Variants in MRPS30 observed in about 807,000 individuals in gnomAD.
MRPS30 encodes mitochondrial ribosomal protein S30.
Under a neutral mutation model 43.8 loss-of-function variants are expected in MRPS30, and 42 were observed. The observed-to-expected ratio is 0.96, with a 90% CI of 0.75 to 1.24. The LOEUF is 1.24. Ranked by LOEUF, MRPS30 falls within the 50% of genes most tolerant of loss-of-function variation. MRPS30 has a pLI of 0.00. For synonymous variants in MRPS30, 273 were observed against 228.2 expected, an observed-to-expected ratio of 1.20 and a Z score of -1.77; for missense variants, 638 against 570.0, an observed-to-expected ratio of 1.12 and a Z score of -1.22.
intron 3 of MRPS30, 109 bp from the exon 4 acceptor site, chr5:44,812,997 T>A: frequency 2.2e-6 from 2 of 916,040 alleles, no homozygotes; most frequent in Non-Finnish European, 1.7e-6. Flanking sequence ...TTTAGAGTAC[T>A]GAGAATATGA....
At chr5:44,811,694 C>T (rs143777700) in intron 2 of MRPS30, among the ~76,000 whole-genome samples, 3 of 152,286 alleles carry the variant, frequency 2.0e-5, no homozygotes, top group East Asian at 1.9e-4. Flanking sequence ...CAGTGCAAAG[C>T]GCCATACACA....
intron 3 of MRPS30, among the ~76,000 whole-genome samples, chr5:44,812,307 A>G (rs916872759): frequency 6.6e-6 from 1 of 152,200 alleles, no homozygotes; most frequent in Non-Finnish European, 1.5e-5. Context: ...TGTTTTTTTA[A>G]AAGTAAAAAC....
At position 44,809,038 on chromosome 5, in the gene MRPS30, G is replaced by T; in HGVS notation, c.76G>T (p.Ala26Ser). 6 of 1,610,068 alleles carry T rather than the reference G, an allele frequency of 3.7e-6. No individual in the cohort carries two copies. Among genetic ancestry groups the T allele is most frequent in the Non-Finnish European group, 5.1e-6 (6 of 1,178,848 alleles). ...ATTGCACACCGCGGCTAATGCCGCC[G>T]CCACGGCTACAGAAACGACCTGCCA... The part of the protein sequence containing the change: ...LSLHTAANAA[A>S]TATETTCQDV... The change falls in exon 1 of 5, where the codon GCC becomes TCC. Residue 26 changes from alanine to serine, a missense_variant. Ala to Ser is a moderately conservative substitution (Grantham distance 99). Transcript: ENST00000507110.
chr5:44,812,036 G>T lies in MRPS30; in HGVS notation c.853+16G>T. ...ATATTTGTTGGTAAGTTTCTCTTTT[G>T]ACATATTGTACCATAAATGTGTTCC... is the stretch of plus-strand genomic sequence containing the variant. On this transcript the variant is annotated intron_variant, in intron 3 of 4. Coordinates refer to ENST00000507110, the MANE Select transcript of MRPS30 (RefSeq NM_016640.4). 6.6e-7 allele frequency: 1 copy of T among 1,525,456 alleles called. No individual in the cohort carries two copies. The highest frequency in any genetic ancestry group is 1.2e-5 in the South Asian group (1 of 84,822). The allele number at this position is 1,525,456 out of a possible 1,614,324, so 94.5% of individuals were successfully genotyped here.
rs111467139 is a variant in MRPS30 at position 44,815,442 on chromosome 5, T to G, written c.*240T>G. On this transcript the variant is annotated 3_prime_UTR_variant, in exon 5 of 5. Transcript: ENST00000507110. ...TATATTGCTAACTGATAAGACAAAT[T>G]GAGTTATTGAGCTATTAAATGCACA... 1,102 of 354,016 alleles carry G rather than the reference T, an allele frequency of 3.1e-3. 3 individuals carry two copies. Among genetic ancestry groups the G allele is most frequent in the African/African-American group, 0.022 (1,027 of 47,696 alleles). 21.9% of individuals were successfully genotyped at this position (354,016 alleles called of 1,614,324 possible).
In MRPS30 at chr5:44,813,205, A is replaced by G; in HGVS notation, c.953A>G (p.Asp318Gly). 9 of 1,613,190 alleles carry G rather than the reference A, an allele frequency of 5.6e-6. No homozygotes were observed. Among genetic ancestry groups the G allele is most frequent in the Non-Finnish European group, 7.6e-6 (9 of 1,179,628 alleles). Residue 318 changes from aspartate (D) to glycine (G), a missense_variant, in exon 4 of 5, where the codon GAT (aspartate) becomes GGT (glycine). Coordinates refer to ENST00000507110, the MANE Select transcript of MRPS30 (RefSeq NM_016640.4). ...RERLLRQNCA[D>G]QIEVVFRANA... ...AGGCTTTTGAGACAAAACTGTGCTG[A>G]TCAGATAGAAGTTGTTTTTAGAGCT... is the stretch of plus-strand genomic sequence containing the variant.
Position 44,815,101 on chromosome 5 carries a change from G to A in MRPS30, c.1219G>A (p.Asp407Asn). ...TAAGCCTCTTTATGAAACAATTGAG[G>A]ATAATGATGTGAAAGGTTTTAATGA... The part of the protein sequence containing the change: ...QSKPLYETIE[D>N]NDVKGFNDDV... The change falls in exon 5 of 5, where the codon GAT becomes AAT. Residue 407 changes from aspartate (D) to asparagine (N), a missense_variant. Coordinates refer to ENST00000507110, the MANE Select transcript of MRPS30 (RefSeq NM_016640.4). The A allele has an allele frequency of 6.2e-7, 1 of 1,612,428 alleles. No individual in the cohort carries two copies. The highest frequency in any genetic ancestry group is 8.5e-7 in the Non-Finnish European group (1 of 1,178,642).
In MRPS30 at chr5:44,809,310, G is replaced by C; in HGVS notation, c.348G>C (p.Ser116=). ...YQYFTKTVFL[S]GLPPPPAEPE... ...ACTTCACCAAGACCGTGTTCCTGTC[G>C]GGTCTGCCGCCGCCCCCAGCGGAGC... is the stretch of plus-strand genomic sequence containing the variant. Residue 116 remains serine, a synonymous_variant, in exon 1 of 5, where the codon TCG becomes TCC. Transcript: ENST00000507110. 3 of 1,612,646 alleles carry C rather than the reference G, an allele frequency of 1.9e-6. No individual in the cohort carries two copies. The highest frequency in any genetic ancestry group is 2.2e-5 in the East Asian group (1 of 44,812).
At chr5:44,811,725 C>T (rs1001033011) in intron 2 of MRPS30, among the ~76,000 whole-genome samples, 190 bp from the exon 3 acceptor site, 3 of 152,166 alleles carry the variant, frequency 2.0e-5, no homozygotes, top group Non-Finnish European at 2.9e-5. Context: ...GAATATGTGT[C>T]GGCTGTGTTC....
chr5:44,813,197 C>T lies in MRPS30; in HGVS notation c.945C>T (p.Asn315=). The T allele has an allele frequency of 6.2e-7, 1 of 1,613,420 alleles. No homozygotes were observed. The highest frequency in any genetic ancestry group is 1.1e-5 in the South Asian group (1 of 90,970). ...GAAGGGAAAGGCTTTTGAGACAAAA[C>T]TGTGCTGATCAGATAGAAGTTGTTT... is the stretch of plus-strand genomic sequence containing the variant. ...KLRRERLLRQ[N]CADQIEVVFR... is the part of the protein sequence containing the mutation. The change falls in exon 4 of 5, where the codon AAC becomes AAT. Residue 315 remains asparagine (N), a synonymous_variant. Coordinates refer to ENST00000507110, the MANE Select transcript of MRPS30 (RefSeq NM_016640.4).
intron 2 of MRPS30, among the ~76,000 whole-genome samples, chr5:44,811,416 C>T (rs892307472): frequency 1.3e-5 from 2 of 152,136 alleles, no homozygotes; most frequent in African/African-American, 4.8e-5. Flanking sequence ...ATATGTTTCT[C>T]TTAATATAAA....
chr5:44,811,021 C>T lies in MRPS30; in HGVS notation c.614C>T (p.Pro205Leu). ...LAAAALDYRC[P>L]VHFYWVRGEE... ...ATCTTTTTGATAGATTATAGATGCC[C>T]AGTTCATTTTTACTGGGTGCGTGGT... The change falls in exon 2 of 5, where the codon CCA (proline) becomes CTA (leucine). Residue 205 changes from proline (P) to leucine (L), a missense_variant. Pro to Leu is a moderately conservative substitution (Grantham distance 98, BLOSUM62 -3). Transcript: ENST00000507110. 1.2e-6 allele frequency: 2 copies of T among 1,613,508 alleles called. No homozygotes were observed. The highest frequency in any genetic ancestry group is 1.7e-6 in the Non-Finnish European group (2 of 1,179,718).
Position 44,809,398 on chromosome 5 carries a change from G to A in MRPS30, c.436G>A (p.Ala146Thr), listed in dbSNP as rs546182581. The part of the protein sequence containing the change: ...ALDLAALRAV[A>T]CDCLLQEHFY... ...GGACCTCGCGGCGCTGCGTGCGGTC[G>A]CCTGCGACTGCCTGCTGCAGGAGCA... The change falls in exon 1 of 5, where the codon GCC becomes ACC. Residue 146 changes from alanine (A) to threonine (T), a missense_variant. Coordinates refer to ENST00000507110, the MANE Select transcript of MRPS30 (RefSeq NM_016640.4). The A allele has an allele frequency of 5.0e-6, 8 of 1,610,722 alleles. No individual in the cohort carries two copies. The highest frequency in any genetic ancestry group is 2.2e-5 in the South Asian group (2 of 90,888).
chr5:44,815,209 A>T lies in MRPS30; in HGVS notation c.*7A>T, dbSNP rs78086852. The T allele has an allele frequency of 6.4e-7, 1 of 1,569,988 alleles. No individual in the cohort carries two copies. Among genetic ancestry groups the T allele is most frequent in the Non-Finnish European group, 8.6e-7 (1 of 1,163,856 alleles). On this transcript the variant is annotated 3_prime_UTR_variant, in exon 5 of 5. Transcript: ENST00000507110. Reference sequence around the variant, plus strand: ...ACAGCTGTTGGAAAACTGAAAAAGCATATTTGATTGAGAACTGTGGGAATA... The same window carrying T: ...ACAGCTGTTGGAAAACTGAAAAAGCTTATTTGATTGAGAACTGTGGGAATA...
Position 44,809,376 on chromosome 5 carries a change from C to T in MRPS30, c.414C>T (p.Asp138=). ...EPEPEPEPAL[D]LAALRAVACD... ...AACCCGAACCTGAACCTGCGCTGGA[C>T]CTCGCGGCGCTGCGTGCGGTCGCCT... Residue 138 remains aspartate, a synonymous_variant, in exon 1 of 5, where the codon GAC becomes GAT. Transcript: ENST00000507110. 1.9e-6 allele frequency: 3 copies of T among 1,608,052 alleles called. No homozygotes were observed. Among genetic ancestry groups the T allele is most frequent in the East Asian group, 2.2e-5 (1 of 44,600 alleles).
chr5:44,813,010 T>C, intron 3 of MRPS30, 96 bp from the exon 4 acceptor site: 5 of 1,116,026 alleles, frequency 4.5e-6, no homozygotes, highest in Non-Finnish European at 6.5e-6. Context: ...GAATATGATG[T>C]ATAAAGAAGG....
chr5:44,809,137 C>G lies in MRPS30; in HGVS notation c.175C>G (p.Arg59Gly). ...ASMTADSKAA[R>G]LRRIERWQAT... ...CATGACAGCCGACAGCAAAGCTGCA[C>G]GGCTGCGGCGGATCGAGCGCTGGCA... Residue 59 changes from arginine to glycine, a missense_variant, in exon 1 of 5, where the codon CGG (arginine) becomes GGG (glycine). Arg to Gly is a moderately radical substitution (Grantham distance 125). Transcript: ENST00000507110. 1 of 1,611,580 alleles carries G rather than the reference C, an allele frequency of 6.2e-7. No homozygotes were observed. The highest frequency in any genetic ancestry group is 1.3e-5 in the African/African-American group (1 of 75,048).
rs575713018 is a variant in MRPS30, at chr5:44,809,486, C to G, written c.524C>G (p.Pro175Arg). Residue 175 changes from proline to arginine, a missense_variant, in exon 1 of 5, where the codon CCC becomes CGC. Coordinates refer to ENST00000507110, the MANE Select transcript of MRPS30 (RefSeq NM_016640.4). The part of the protein sequence containing the change: ...RYEESEVISL[P>R]FLDQLVSTLV... Reference sequence around the variant, plus strand: ...GAGGAGAGCGAGGTCATATCTTTGCCCTTCCTGGATCAGCTGGTGTCAACC... The same window carrying G: ...GAGGAGAGCGAGGTCATATCTTTGCGCTTCCTGGATCAGCTGGTGTCAACC... The G allele has an allele frequency of 1.9e-6, 3 of 1,613,888 alleles. No homozygotes were observed. The highest frequency in any genetic ancestry group is 1.7e-5 in the Admixed American group (1 of 60,012).
chr5:44,809,775 A>G (rs1742799263), intron 1 of MRPS30: 2 of 556,592 alleles, frequency 3.6e-6, no homozygotes, highest in Non-Finnish European at 3.1e-6. Context: ...AACACCTACC[A>G]GCTCTTCAAC....
Sources: gnomAD v4.1 joint callset for allele counts (sites outside exome capture counted in the v4.1 genomes callset) on GRCh38, gnomAD v4.1.1 for gene constraint, MANE v1.5 for transcripts, NCBI Gene and HGNC (gene_info 2026-07-23, HGNC 2026-07-21) for gene names.